The following TRIM54 variants were observed in gnomAD, a reference collection of about 807,000 sequenced individuals.
The protein encoded by TRIM54 is tripartite motif containing 54, also known as tripartite motif-containing protein 54.
A neutral mutation model predicts 42.0 loss-of-function variants in TRIM54; 40 were observed. The ratio of observed to expected loss-of-function variants is 0.95; its 90% confidence interval spans 0.74 to 1.24. The LOEUF (loss-of-function observed/expected upper bound fraction) is 1.24, where lower values mean the gene tolerates loss of function less well. Ranked by LOEUF, TRIM54 falls within the 50% of genes most tolerant of loss-of-function variation. TRIM54 has a pLI of 0.00. For synonymous variants in TRIM54, 199 were observed against 194.9 expected (o/e 1.02, Z -0.17); for missense variants, 485 against 480.3 (o/e 1.01, Z -0.09).
chr2:27,295,387 G>A (rs892593972), intron 1 of TRIM54, among the ~76,000 whole-genome samples: 7 of 152,032 alleles, frequency 4.6e-5, no homozygotes, highest in Non-Finnish European at 8.8e-5. Context: ...GCTCACTGCA[G>A]CCTCCACCTC....
At chr2:27,283,245 G>C (rs1678437792) in intron 1 of TRIM54, among the ~76,000 whole-genome samples, 1 of 152,174 alleles carries the variant, frequency 6.6e-6, no homozygotes, top group Non-Finnish European at 1.5e-5. Flanking sequence ...TGGAGTTTCA[G>C]ACTTCGAGAG....
chr2:27,299,694 A>G (rs751538140), intron 3 of TRIM54: 90 of 608,654 alleles, frequency 1.5e-4, no homozygotes, highest in South Asian at 1.0e-3. Flanking sequence ...CTATCTATCT[A>G]TCTATCTATC....
intron 1 of TRIM54, among the ~76,000 whole-genome samples, chr2:27,286,415 A>T (rs1032955207): frequency 6.6e-6 from 1 of 151,774 alleles, no homozygotes; most frequent in African/African-American, 2.4e-5. Flanking sequence ...CACCACATTA[A>T]CCCCCTCTAA....
chr2:27,292,393 G>A (rs1302392547), intron 1 of TRIM54, among the ~76,000 whole-genome samples: 6 of 152,076 alleles, frequency 3.9e-5, no homozygotes, highest in Non-Finnish European at 7.4e-5. Flanking sequence ...CAACTAGCAA[G>A]ACCCTATCTC....
At position 27,293,162 on chromosome 2, in the gene TRIM54, G is replaced by A. The variant is rs546234683; in HGVS notation, c.169-5405G>A. Among the ~76,000 whole-genome samples the A allele has an allele frequency of 2.6e-5, 4 of 151,974 alleles. No individual in the cohort carries two copies. In the South Asian group the frequency reaches 6.2e-4, roughly 24 times the overall value. On this transcript the variant is annotated intron_variant, in intron 1 of 8. Transcript: ENST00000380075. ...TATTATCTGGTTTGCATCTTTTGTT[G>A]GATTCTGTCTGCTTATCACTCCCCT...
Position 27,307,004 on chromosome 2 carries a change from G to C in TRIM54, c.*119G>C, listed in dbSNP as rs1679240794. 4.3e-6 allele frequency: 1 copy of C among 232,890 alleles called. No homozygotes were observed. Among genetic ancestry groups the C allele is most frequent in the Middle Eastern group, 1.7e-3 (1 of 590 alleles). 14.4% of individuals were successfully genotyped at this position (232,890 alleles called of 1,614,324 possible). A position where few individuals can be genotyped will look rare whatever the true frequency, so the allele number is the denominator to read the frequency against. ...CCGGGAGGATCTCAATAAAGAACTC[G>C]AGCGTCCCAGACCCGTATCTCCTTT... On this transcript the variant is annotated 3_prime_UTR_variant, in exon 9 of 9. Transcript: ENST00000380075. The surrounding 1 kb of genome is among the most constrained non-coding windows in gnomAD (Gnocchi z 6.9).
At chr2:27,305,556 T>C in intron 4 of TRIM54, 28 bp from the exon 5 acceptor site, 1 of 1,594,372 alleles carries the variant, frequency 6.3e-7, no homozygotes, top group Non-Finnish European at 8.6e-7. Flanking sequence ...AGCCACGCCT[T>C]CCCTCATCCT....
intron 2 of TRIM54, 132 bp downstream of exon 2, chr2:27,298,871 C>T (rs1387947403): frequency 1.1e-5 from 11 of 1,009,020 alleles, no homozygotes; most frequent in South Asian, 8.3e-5. Flanking sequence ...GGACTGGATC[C>T]GGAGAGGGAC....
chr2:27,306,917 C>G lies in TRIM54; in HGVS notation c.*32C>G. 3.1e-6 allele frequency: 1 copy of G among 319,170 alleles called. No individual in the cohort carries two copies. Among genetic ancestry groups the G allele is most frequent in the Non-Finnish European group, 5.8e-6 (1 of 171,650 alleles). 19.8% of individuals were successfully genotyped at this position (319,170 alleles called of 1,614,324 possible). A position where few individuals can be genotyped will look rare whatever the true frequency, so the allele number is the denominator to read the frequency against. The stretch of plus-strand genomic sequence containing the variant: ...CGCCGACCCGACCCTGCTCGAGAGC[C>G]CGCGCTAGAGTCGGGGAGGATCTGC... On this transcript the variant is annotated 3_prime_UTR_variant, in exon 9 of 9. Coordinates refer to ENST00000380075, the MANE Select transcript of TRIM54 (RefSeq NM_187841.3). The surrounding 1 kb of genome is among the most constrained non-coding windows in gnomAD (Gnocchi z 6.1).
At chr2:27,285,728 G>A (rs1363086904) in intron 1 of TRIM54, among the ~76,000 whole-genome samples, 1 of 152,080 alleles carries the variant, frequency 6.6e-6, no homozygotes, top group African/African-American at 2.4e-5. Flanking sequence ...TTATGTCTTC[G>A]TTTTTAAATA....
At chr2:27,303,967 C>G (rs1402613733) in intron 3 of TRIM54, among the ~76,000 whole-genome samples, 1 of 152,170 alleles carries the variant, frequency 6.6e-6, no homozygotes, top group East Asian at 1.9e-4. Context: ...AATCCCGACA[C>G]TTTGGGAGGC....
chr2:27,307,422 A>G lies in TRIM54; in HGVS notation c.*537A>G, dbSNP rs1679258252. On this transcript the variant is annotated 3_prime_UTR_variant, in exon 9 of 9. Coordinates refer to ENST00000380075, the MANE Select transcript of TRIM54 (RefSeq NM_187841.3). This position sits in a 1 kb window ranked among gnomAD's most constrained non-coding sequence, Gnocchi z 6.9. ...AACGGGTCTTCAGTACTTTTATTAA[A>G]AAATAGTCACGCAGACAGTGCCCTG... 6.5e-7 allele frequency: 1 copy of G among 1,537,152 alleles called. No homozygotes were observed. Among genetic ancestry groups the G allele is most frequent in the East Asian group, 2.4e-5 (1 of 41,208 alleles).
At chr2:27,291,026 A>G (rs1678705115) in intron 1 of TRIM54, among the ~76,000 whole-genome samples, 2 of 152,190 alleles carry the variant, frequency 1.3e-5, no homozygotes, top group Admixed American at 1.3e-4. Context: ...GCTGTGTACT[A>G]CCTGTACTAT....
intron 3 of TRIM54, among the ~76,000 whole-genome samples, chr2:27,301,202 C>T (rs940686324): frequency 2.7e-5 from 4 of 148,022 alleles, no homozygotes; most frequent in Admixed American, 6.8e-5. Context: ...TGCAATGGCG[C>T]GATCTCAGCT....
intron 3 of TRIM54, among the ~76,000 whole-genome samples, chr2:27,300,089 A>G (rs909465402): frequency 6.7e-6 from 1 of 149,758 alleles, no homozygotes; most frequent in Non-Finnish European, 1.5e-5. Flanking sequence ...GATCCCTACC[A>G]CCTCAATCTC....
intron 3 of TRIM54, among the ~76,000 whole-genome samples, chr2:27,303,531 C>T (rs1679097865): frequency 6.6e-6 from 1 of 150,754 alleles, no homozygotes. Flanking sequence ...GCCTGGGCAA[C>T]AGGGAGAGAC....
chr2:27,306,749 C>G lies in TRIM54; in HGVS notation c.*2-138C>G. ...TACACTTTCCTCCTCACCCGCTGTT[C>G]CTCTGGGGTGCTGGGAGGGCAGGCA... On this transcript the variant is annotated intron_variant, in intron 8 of 8. Transcript: ENST00000380075. The surrounding 1 kb of genome is among the most constrained non-coding windows in gnomAD (Gnocchi z 6.1). 1 of 608,316 alleles carries G rather than the reference C, an allele frequency of 1.6e-6. No homozygotes were observed. The highest frequency in any genetic ancestry group is 2.9e-6 in the Non-Finnish European group (1 of 350,054). 37.7% of individuals were successfully genotyped at this position (608,316 alleles called of 1,614,324 possible).
chr2:27,298,703 AG>A lies in TRIM54; in HGVS notation c.306del (p.Asn103ThrfsTer37), dbSNP rs1678939073. On this transcript the variant is annotated frameshift_variant, in exon 2 of 9. Coordinates refer to ENST00000380075, the MANE Select transcript of TRIM54 (RefSeq NM_187841.3). LOFTEE classifies it high-confidence loss of function. ...GGCCTGCAGCGAAACCTGCTAGTGG[AG>A]AACATTATCGACATTTACAAGCAGG... ...VYGLQRNLLVENIIDIYKQES... is the reference protein window; with the variant it reads ...VYGLQRNLLVXNIIDIYKQES... 1.9e-6 allele frequency: 3 copies of A among 1,614,006 alleles called. No homozygotes were observed. The highest frequency in any genetic ancestry group is 2.5e-6 in the Non-Finnish European group (3 of 1,179,996).
At chr2:27,301,940 G>C (rs1410286189) in intron 3 of TRIM54, among the ~76,000 whole-genome samples, 1 of 152,030 alleles carries the variant, frequency 6.6e-6, no homozygotes, top group Admixed American at 6.6e-5. Flanking sequence ...GATCACCTGC[G>C]ATCAGGAGTT....
Sources: gnomAD v4.1 joint callset for allele counts (sites outside exome capture counted in the v4.1 genomes callset) on GRCh38, gnomAD v4.1.1 for gene constraint, Gnocchi (gnomAD v3.1) non-coding constraint, MANE v1.5 for transcripts, NCBI Gene and HGNC (gene_info 2026-07-23, HGNC 2026-07-21) for gene names.